WIPF3: variants seen among roughly 807,000 people sequenced by gnomAD.
The protein encoded by WIPF3 is WAS/WASL-interacting protein family member 3.
WIPF3 carries 33 observed loss-of-function variants against 38.9 expected under a neutral mutation model. The observed-to-expected ratio is 0.85, with a 90% CI of 0.64 to 1.14. WIPF3 has a LOEUF of 1.14. WIPF3 is among the 50% of genes most tolerant of loss of function. The pLI is 0.00. For missense variants in WIPF3, 711 were observed against 652.5 expected (o/e 1.09, Z -0.98); for synonymous variants, 324 against 269.3 (o/e 1.20, Z -1.99).
At chr7:29,890,917 A>G (rs1583622671) in intron 7 of WIPF3, among the ~76,000 whole-genome samples, 4 of 55,784 alleles carry the variant, frequency 7.2e-5, no homozygotes, top group African/African-American at 1.9e-4. Flanking sequence ...GGTGGGGGGA[A>G]TGCGGGCCTG....
chr7:29,824,671 G>T (rs1363638372), intron 1 of WIPF3, among the ~76,000 whole-genome samples: 1 of 152,204 alleles, frequency 6.6e-6, no homozygotes, highest in African/African-American at 2.4e-5. Flanking sequence ...ATAGTAAGTA[G>T]CCCAGAGAGG....
At chr7:29,820,746 C>A (rs1201538559) in intron 1 of WIPF3, among the ~76,000 whole-genome samples, 1 of 152,046 alleles carries the variant, frequency 6.6e-6, no homozygotes, top group Non-Finnish European at 1.5e-5. Context: ...CAAAACTAAA[C>A]CTTTTAATAT....
Position 29,916,232 on chromosome 7 carries a change from TTTA to T in WIPF3, c.*1724_*1726del, listed in dbSNP as rs1786612310. 6.6e-6 allele frequency: 1 copy of T among 152,190 alleles called. No homozygotes were observed. The highest frequency in any genetic ancestry group is 2.4e-5 in the African/African-American group (1 of 41,432). The allele number at this position is 152,190 out of a possible 1,614,324, so 9.4% of individuals were successfully genotyped here. On this transcript the variant is annotated 3_prime_UTR_variant, in exon 9 of 9. Transcript: ENST00000242140. ...CTGGAAGATTTCCAAAAAGCCAGAA[TTTA>T]TTATTATAACAGTGTCCACTCCACT... is the stretch of plus-strand genomic sequence containing the variant.
chr7:29,898,486 C>A (rs564972520), intron 7 of WIPF3, among the ~76,000 whole-genome samples: 1 of 152,282 alleles, frequency 6.6e-6, no homozygotes, highest in South Asian at 2.1e-4. Context: ...GTCTACAGTC[C>A]AAGTCCAGTC....
intron 5 of WIPF3, among the ~76,000 whole-genome samples, chr7:29,887,279 A>C (rs966777471): frequency 3.9e-5 from 6 of 152,268 alleles, no homozygotes; most frequent in Admixed American, 1.3e-4. Context: ...AGTTGTGAAC[A>C]TCTTAGCACA....
At chr7:29,881,174 C>T (rs1785708447) in intron 4 of WIPF3, among the ~76,000 whole-genome samples, 1 of 152,168 alleles carries the variant, frequency 6.6e-6, no homozygotes, top group South Asian at 2.1e-4. Flanking sequence ...AAGGTTTAGT[C>T]CTATCCTTTC....
At chr7:29,881,784 G>A (rs1368638780) in intron 4 of WIPF3, among the ~76,000 whole-genome samples, 2 of 152,244 alleles carry the variant, frequency 1.3e-5, no homozygotes, top group African/African-American at 4.8e-5. Context: ...TTCATCTTTT[G>A]CTAAACCTGC....
At chr7:29,826,184 G>A (rs1195824753) in intron 1 of WIPF3, among the ~76,000 whole-genome samples, 1 of 152,120 alleles carries the variant, frequency 6.6e-6, no homozygotes, top group African/African-American at 2.4e-5. Flanking sequence ...ACTTTAGCGA[G>A]CATAAAACTC....
At chr7:29,866,613 T>C (rs1176969829) in intron 2 of WIPF3, among the ~76,000 whole-genome samples, 1 of 152,272 alleles carries the variant, frequency 6.6e-6, no homozygotes, top group African/African-American at 2.4e-5. Flanking sequence ...CATCAGGCTC[T>C]TCTCAGAGCC....
At chr7:29,890,508 C>A (rs546683067) in intron 7 of WIPF3, among the ~76,000 whole-genome samples, 1 of 152,224 alleles carries the variant, frequency 6.6e-6, no homozygotes, top group African/African-American at 2.4e-5. Context: ...CCTAAGTAAG[C>A]CCCCATTCCA....
intron 2 of WIPF3, among the ~76,000 whole-genome samples, chr7:29,851,460 C>T (rs190118994): frequency 2.0e-5 from 3 of 152,286 alleles, no homozygotes; most frequent in African/African-American, 7.2e-5. Flanking sequence ...CCTGGCTGCT[C>T]CTCCTCACCA....
intron 2 of WIPF3, among the ~76,000 whole-genome samples, chr7:29,854,828 A>G (rs1333804155): frequency 6.6e-6 from 1 of 152,236 alleles, no homozygotes; most frequent in African/African-American, 2.4e-5. Flanking sequence ...GGTAATTAAG[A>G]TAAAGTGAAG....
At chr7:29,910,435 A>G (rs1786485286) in intron 8 of WIPF3, among the ~76,000 whole-genome samples, 1 of 152,164 alleles carries the variant, frequency 6.6e-6, no homozygotes, top group African/African-American at 2.4e-5. Flanking sequence ...TGAGACCAGC[A>G]TTATCCTGAT....
At chr7:29,814,645 C>T (rs564673101) in intron 1 of WIPF3, among the ~76,000 whole-genome samples, 2 of 152,264 alleles carry the variant, frequency 1.3e-5, no homozygotes, top group African/African-American at 4.8e-5. Flanking sequence ...TGTCTTTGAG[C>T]CTTCATTTCC....
chr7:29,891,507 TGAGA>T (rs146744456), intron 7 of WIPF3, among the ~76,000 whole-genome samples: 1 of 151,978 alleles, frequency 6.6e-6, no homozygotes, highest in African/African-American at 2.4e-5. Context: ...TGCTCTGAGT[TGAGA>T]GAGAGAGAAA....
intron 2 of WIPF3, among the ~76,000 whole-genome samples, chr7:29,838,809 C>T (rs146211463): frequency 7.2e-5 from 11 of 152,288 alleles, no homozygotes; most frequent in African/African-American, 2.4e-4. Flanking sequence ...CTGGAAACAA[C>T]CCCCTATGTC....
chr7:29,879,198 C>T, intron 4 of WIPF3, 58 bp downstream of exon 4: 2 of 1,570,004 alleles, frequency 1.3e-6, no homozygotes, highest in East Asian at 4.6e-5. Flanking sequence ...CTTGTGGAAC[C>T]ATCTGGGCAA....
intron 2 of WIPF3, among the ~76,000 whole-genome samples, chr7:29,868,749 G>A (rs1050548844): frequency 1.2e-4 from 19 of 152,016 alleles, no homozygotes; most frequent in Admixed American, 3.9e-4. Flanking sequence ...ATGGCCTGTT[G>A]CTCTAGGCTA....
At chr7:29,829,214 T>C (rs1260348068) in intron 1 of WIPF3, among the ~76,000 whole-genome samples, 2 of 146,372 alleles carry the variant, frequency 1.4e-5, no homozygotes, top group Non-Finnish European at 3.0e-5. Flanking sequence ...CCTGCTTTTT[T>C]TTTTTTTTTT....
Sources: gnomAD v4.1 joint callset for allele counts (sites outside exome capture counted in the v4.1 genomes callset) on GRCh38, gnomAD v4.1.1 for gene constraint, MANE v1.5 for transcripts, NCBI Gene and HGNC (gene_info 2026-07-23, HGNC 2026-07-21) for gene names.